SLC16A6: variants seen among roughly 807,000 people sequenced by gnomAD.
The protein encoded by SLC16A6 is monocarboxylate transporter 7.
A neutral mutation model predicts 33.8 loss-of-function variants in SLC16A6; 15 were observed. The observed-to-expected ratio is 0.44, with a 90% CI of 0.30 to 0.68. The LOEUF (loss-of-function observed/expected upper bound fraction) is 0.68. Among genes scored for constraint, SLC16A6 ranks in the 30% least tolerant of loss-of-function variants. The pLI is 0.10. For missense variants in SLC16A6, 451 were observed against 661.5 expected (o/e 0.68, Z 3.49); for synonymous variants, 219 against 248.4 (o/e 0.88, Z 1.11).
At position 68,270,880 on chromosome 17, in the gene SLC16A6, AAGATGT is replaced by A. The variant is rs2075317793; in HGVS notation, c.1274_1279del (p.Tyr425_Ile426del). The stretch of plus-strand genomic sequence containing the variant: ...AGCCAGTCCTGCTATGCTCTGAATG[AAGATGT>A]AGACCCCAGCTGCAGAAGACATCTT... On this transcript the variant is annotated inframe_deletion, in exon 5 of 6. Coordinates refer to ENST00000580666, the MANE Select transcript of SLC16A6 (RefSeq NM_004694.5). 2 of 1,614,162 alleles carry A rather than the reference AAGATGT, an allele frequency of 1.2e-6. No homozygotes were observed. The highest frequency in any genetic ancestry group is 8.5e-7 in the Non-Finnish European group (1 of 1,180,012).
chr17:68,282,145 T>C (rs2075713608), intron 1 of SLC16A6, among the ~76,000 whole-genome samples: 1 of 152,120 alleles, frequency 6.6e-6, no homozygotes, highest in Non-Finnish European at 1.5e-5. Context: ...ATGTGGCACA[T>C]ATATACCATG....
intron 2 of SLC16A6, chr17:68,274,664 A>T (rs1555750324): frequency 6.6e-6 from 1 of 152,198 alleles, no homozygotes; most frequent in Non-Finnish European, 1.5e-5. Flanking sequence ...TATTGAATTT[A>T]TGTTATTCTA....
chr17:68,271,944 AGGC>A lies in SLC16A6; in HGVS notation c.506-293_506-291del, dbSNP rs1168797641. 6.6e-6 allele frequency among the ~76,000 whole-genome samples: 1 copy of A among 152,174 alleles called. No individual in the cohort carries two copies. Among genetic ancestry groups the A allele is most frequent in the Non-Finnish European group, 1.5e-5 (1 of 68,028 alleles). ...CAGCCTCCTGAGTAGCTGGGACTAT[AGGC>A]GTGCGCCACCACGACCAGCCAATTT... On this transcript the variant is annotated intron_variant, in intron 4 of 5. Transcript: ENST00000580666. This position sits in a 1 kb window ranked among gnomAD's most constrained non-coding sequence, Gnocchi z 5.3.
chr17:68,272,487 T>A, intron 4 of SLC16A6, 152 bp downstream of exon 4: 1 of 893,770 alleles, frequency 1.1e-6, no homozygotes, highest in South Asian at 1.8e-5. Context: ...GGAGGACAGA[T>A]CCTAAAAATG....
rs1599485710 is a variant in SLC16A6 at position 68,269,700 on chromosome 17, T to C, written c.1322-354A>G. Among the ~76,000 whole-genome samples, 4 of 148,808 alleles carry C rather than the reference T, an allele frequency of 2.7e-5. 1 individual carries two copies. Among genetic ancestry groups the C allele is most frequent in the African/African-American group, 1.0e-4 (4 of 39,620 alleles). On this transcript the variant is annotated intron_variant, in intron 5 of 5. Transcript: ENST00000580666. ...TTTTTTTTTTTTTTTTTAGACAGAG[T>C]TTTATTCTTGTTGCCCCAGGTGGAG...
At chr17:68,285,587 T>G (rs1568418720) in intron 1 of SLC16A6, 1 of 152,238 alleles carries the variant, frequency 6.6e-6, no homozygotes, top group Non-Finnish European at 1.5e-5. Context: ...GGAGAACTGC[T>G]TGAACCCAGG....
chr17:68,280,065 C>G (rs1476029298), intron 1 of SLC16A6, among the ~76,000 whole-genome samples: 1 of 151,506 alleles, frequency 6.6e-6, no homozygotes, highest in East Asian at 1.9e-4. Context: ...ACCTGTAATC[C>G]CAGCTACTCA....
intron 2 of SLC16A6, among the ~76,000 whole-genome samples, chr17:68,275,982 CAA>C (rs1193683472): frequency 8.6e-6 from 1 of 116,472 alleles, no homozygotes. Context: ...GACTCCGTCT[CAA>C]AAAAAAAAAA....
chr17:68,279,909 C>T (rs561530195), intron 1 of SLC16A6, among the ~76,000 whole-genome samples: 16 of 152,132 alleles, frequency 1.1e-4, no homozygotes, highest in South Asian at 8.3e-4. Context: ...TGGCTGGGCG[C>T]GGTGGCTCAC....
At chr17:68,287,878 G>C (rs1254498625) in intron 1 of SLC16A6, among the ~76,000 whole-genome samples, 1 of 151,820 alleles carries the variant, frequency 6.6e-6, no homozygotes, top group African/African-American at 2.4e-5. Flanking sequence ...GAAAGTGCTT[G>C]GTTGCAGAAT....
intron 5 of SLC16A6, among the ~76,000 whole-genome samples, chr17:68,269,682 T>TTTTTTTTTTC (rs1555747810): frequency 1.4e-5 from 2 of 145,886 alleles, no homozygotes; most frequent in African/African-American, 5.2e-5. Flanking sequence ...GGTTTTTTTT[T>TTTTTTTTTTC]TTTTTTTTTA....
intron 1 of SLC16A6, among the ~76,000 whole-genome samples, chr17:68,280,696 A>G (rs1226355307): frequency 2.0e-5 from 3 of 152,228 alleles, no homozygotes; most frequent in Non-Finnish European, 2.9e-5. Flanking sequence ...AGAAGAAAAC[A>G]TAGGGGAAAC....
intron 2 of SLC16A6, among the ~76,000 whole-genome samples, chr17:68,277,207 C>T (rs2075551984): frequency 6.6e-6 from 1 of 151,972 alleles, no homozygotes; most frequent in Non-Finnish European, 1.5e-5. Context: ...TCTGGGCTTA[C>T]TGCAACCTCC....
In SLC16A6 at chr17:68,267,715, A is replaced by G. The variant is rs1208468705; in HGVS notation, c.*1381T>C. On this transcript the variant is annotated 3_prime_UTR_variant, in exon 6 of 6. Coordinates refer to ENST00000580666, the MANE Select transcript of SLC16A6 (RefSeq NM_004694.5). Reference sequence around the variant, plus strand: ...TTGCCCTCCTTACAGAAAACTGCTAACGTGAGCAATACTATACATGTAGTG... The same window carrying G: ...TTGCCCTCCTTACAGAAAACTGCTAGCGTGAGCAATACTATACATGTAGTG... The G allele has an allele frequency of 6.6e-6, 1 of 151,848 alleles. No homozygotes were observed. Among genetic ancestry groups the G allele is most frequent in the East Asian group, 1.9e-4 (1 of 5,176 alleles). The allele number at this position is 151,848 out of a possible 1,614,324, so 9.4% of individuals were successfully genotyped here.
Position 68,273,432 on chromosome 17 carries a change from G to T in SLC16A6, c.376+495C>A, listed in dbSNP as rs573367006. 2.0e-5 allele frequency among the ~76,000 whole-genome samples: 3 copies of T among 152,160 alleles called. No individual in the cohort carries two copies. In the South Asian group the frequency reaches 6.2e-4, roughly 32 times the overall value. ...GATGGAGTCTCCCTATGTTGCCCCA[G>T]TTGGTCTCAAACTGCTGGGCTCACG... is the stretch of plus-strand genomic sequence containing the variant. On this transcript the variant is annotated intron_variant, in intron 3 of 5. Coordinates refer to ENST00000580666, the MANE Select transcript of SLC16A6 (RefSeq NM_004694.5).
At position 68,267,875 on chromosome 17, in the gene SLC16A6, A is replaced by G. The variant is rs1555746903; in HGVS notation, c.*1221T>C. The G allele has an allele frequency of 6.6e-6, 1 of 152,248 alleles. No individual in the cohort carries two copies. Among genetic ancestry groups the G allele is most frequent in the African/African-American group, 2.4e-5 (1 of 41,472 alleles). 9.4% of individuals were successfully genotyped at this position (152,248 alleles called of 1,614,324 possible). On this transcript the variant is annotated 3_prime_UTR_variant, in exon 6 of 6. Transcript: ENST00000580666. The stretch of plus-strand genomic sequence containing the variant: ...ATTGCAACTTGTAACTCGCTATAAC[A>G]TAATTGTCTCTGTTACCCCCATGTG...
intron 1 of SLC16A6, among the ~76,000 whole-genome samples, chr17:68,278,993 C>CATATAAATATAT (rs2075612677): frequency 6.6e-6 from 1 of 152,018 alleles, no homozygotes; most frequent in African/African-American, 2.4e-5. Context: ...TATGTATATA[C>CATATAAATATAT]AAATCTTGGT....
intron 1 of SLC16A6, chr17:68,283,243 G>C (rs1203963677): frequency 5.3e-5 from 8 of 152,142 alleles, no homozygotes; most frequent in African/African-American, 1.2e-4. Context: ...AGACTGGGCC[G>C]GGCGCAGTGG....
At chr17:68,287,328 C>CT (rs1401852161) in intron 1 of SLC16A6, among the ~76,000 whole-genome samples, 56 of 144,758 alleles carry the variant, frequency 3.9e-4, no homozygotes, top group Admixed American at 9.0e-4. Flanking sequence ...TCTTCTTCTT[C>CT]TTTTTTTTTT....
Sources: allele counts gnomAD v4.1 joint callset (sites outside exome capture counted in the v4.1 genomes callset), GRCh38; gene constraint gnomAD v4.1.1; non-coding constraint Gnocchi (gnomAD v3.1); transcripts MANE v1.5; gene names NCBI Gene and HGNC (gene_info 2026-07-23, HGNC 2026-07-21).